PIBF1: variants seen among roughly 807,000 people sequenced by gnomAD.
PIBF1 encodes progesterone immunomodulatory binding factor 1.
A neutral mutation model predicts 112.5 loss-of-function variants in PIBF1; 90 were observed. That is an observed-to-expected ratio of 0.80 (90% CI 0.67 to 0.95). PIBF1 has a LOEUF of 0.95. Ranked by LOEUF, PIBF1 falls within the 40% of genes least tolerant of loss-of-function variation. The probability of loss-of-function intolerance (pLI) is 0.00; values close to 1 mark genes in which losing one functional copy is unlikely to be tolerated. For synonymous variants in PIBF1, 301 were observed against 288.6 expected, an observed-to-expected ratio of 1.04 and a Z score of -0.44; for missense variants, 915 against 852.3, an observed-to-expected ratio of 1.07 and a Z score of -0.92.
At chr13:72,785,683 A>G (rs566926015) in intron 2 of PIBF1, among the ~76,000 whole-genome samples, 2 of 152,260 alleles carry the variant, frequency 1.3e-5, no homozygotes, top group African/African-American at 4.8e-5. Context: ...TGCATTTCAC[A>G]TGAACTCCAT....
At chr13:72,952,020 T>C (rs1465676136) in intron 14 of PIBF1, among the ~76,000 whole-genome samples, 1 of 141,356 alleles carries the variant, frequency 7.1e-6, no homozygotes, top group Non-Finnish European at 1.5e-5. Context: ...AATTTCTTTC[T>C]TTCTTTTCTT....
intron 11 of PIBF1, among the ~76,000 whole-genome samples, chr13:72,898,850 G>GAA (rs796629828): frequency 7.1e-5 from 7 of 99,208 alleles, no homozygotes; most frequent in Non-Finnish European, 1.0e-4. Context: ...CTCCATCTCA[G>GAA]AAAAAAAAAA....
intron 10 of PIBF1, among the ~76,000 whole-genome samples, chr13:72,888,259 CATA>C (rs2039932554): frequency 6.6e-6 from 1 of 151,782 alleles, no homozygotes; most frequent in Admixed American, 6.6e-5. Flanking sequence ...GGTTTAATAA[CATA>C]AGAAGATTTT....
At position 72,880,713 on chromosome 13, in the gene PIBF1, C is replaced by T. The variant is rs1250087909; in HGVS notation, c.1323-13071C>T. Among the ~76,000 whole-genome samples, 6 of 152,262 alleles carry T rather than the reference C, an allele frequency of 3.9e-5. No homozygotes were observed. The South Asian group carries it at 1.2e-3, about 32-fold the overall frequency. On this transcript the variant is annotated intron_variant, in intron 10 of 17. Coordinates refer to ENST00000326291, the MANE Select transcript of PIBF1 (RefSeq NM_006346.4). Reference sequence around the variant, plus strand: ...CTATAAAAATAAATACTTAAAGTCACATTACATTGAAAAATACTTCAATCT... The same window carrying T: ...CTATAAAAATAAATACTTAAAGTCATATTACATTGAAAAATACTTCAATCT...
At chr13:72,968,364 G>C (rs533712329) in intron 15 of PIBF1, among the ~76,000 whole-genome samples, 1 of 150,912 alleles carries the variant, frequency 6.6e-6, no homozygotes, top group Non-Finnish European at 1.5e-5. Flanking sequence ...GCAATGGCGC[G>C]ATCTCGGCTC....
intron 9 of PIBF1, among the ~76,000 whole-genome samples, chr13:72,851,598 G>T (rs1365755479): frequency 3.9e-5 from 6 of 152,250 alleles, no homozygotes; most frequent in Admixed American, 3.9e-4. Context: ...CAGGAGGCAG[G>T]CTGGCTTCTG....
chr13:72,855,018 A>G (rs2038352371), intron 10 of PIBF1, among the ~76,000 whole-genome samples: 1 of 152,210 alleles, frequency 6.6e-6, no homozygotes, highest in Non-Finnish European at 1.5e-5. Context: ...TTGACTGCAT[A>G]GAGAGTAAAC....
At chr13:72,996,472 G>C (rs2043675827) in intron 16 of PIBF1, among the ~76,000 whole-genome samples, 1 of 152,080 alleles carries the variant, frequency 6.6e-6, no homozygotes, top group African/African-American at 2.4e-5. Flanking sequence ...TTTGCTAATA[G>C]CTTTATACTA....
At chr13:72,849,410 C>T (rs1847301639) in intron 9 of PIBF1, among the ~76,000 whole-genome samples, 1 of 152,158 alleles carries the variant, frequency 6.6e-6, no homozygotes, top group Admixed American at 6.5e-5. Context: ...TTTTGAAGAA[C>T]ATTTGAATTC....
At chr13:73,015,736 T>G in intron 17 of PIBF1, 133 bp from the exon 18 acceptor site, 1 of 378,234 alleles carries the variant, frequency 2.6e-6, no homozygotes, top group South Asian at 7.8e-5. Flanking sequence ...TTAAGTATCC[T>G]TTCTGAATTA....
intron 5 of PIBF1, among the ~76,000 whole-genome samples, chr13:72,802,938 A>C (rs2035553360): frequency 6.6e-6 from 1 of 152,222 alleles, no homozygotes. Context: ...CAGGAAATCA[A>C]AGGGCAAAAG....
chr13:72,893,709 GAAGT>G (rs141172083), intron 10 of PIBF1, 71 bp from the exon 11 acceptor site: 123,626 of 875,224 alleles, frequency 0.14, 9,764 homozygotes, highest in Middle Eastern at 0.17. Flanking sequence ...AGAAAACATA[GAAGT>G]AAGGTTTATG....
intron 8 of PIBF1, among the ~76,000 whole-genome samples, chr13:72,830,588 A>G (rs1034662561): frequency 6.6e-6 from 1 of 152,022 alleles, no homozygotes; most frequent in Non-Finnish European, 1.5e-5. Context: ...ATTGATTTGT[A>G]TGTGTTGAAC....
chr13:72,809,661 C>T (rs2035913348), intron 5 of PIBF1, among the ~76,000 whole-genome samples: 2 of 137,176 alleles, frequency 1.5e-5, no homozygotes, highest in Non-Finnish European at 3.0e-5. Context: ...ATGATTTTGG[C>T]TCACTGCAAC....
chr13:72,807,000 A>G (rs1388493901), intron 5 of PIBF1, among the ~76,000 whole-genome samples: 1 of 142,924 alleles, frequency 7.0e-6, no homozygotes, highest in South Asian at 2.2e-4. Flanking sequence ...TTTTTTTTCT[A>G]TTTTAAGGTT....
At chr13:72,903,345 A>G (rs2040572886) in intron 11 of PIBF1, among the ~76,000 whole-genome samples, 1 of 152,172 alleles carries the variant, frequency 6.6e-6, no homozygotes, top group Non-Finnish European at 1.5e-5. Context: ...AATTGAATTG[A>G]TAGTATGCAG....
intron 9 of PIBF1, among the ~76,000 whole-genome samples, chr13:72,846,620 T>C (rs9543140): frequency 0.99 from 151,303 of 152,318 alleles, 75,155 homozygotes; most frequent in Middle Eastern, 1. Flanking sequence ...CTCGCATAGT[T>C]ATGCTGGCCT....
intron 10 of PIBF1, among the ~76,000 whole-genome samples, chr13:72,874,851 G>A (rs1046467391): frequency 2.0e-5 from 3 of 152,100 alleles, no homozygotes; most frequent in Non-Finnish European, 2.9e-5. Flanking sequence ...CCCTACACAT[G>A]TATAGCCTAC....
chr13:72,943,822 C>T (rs577882082), intron 14 of PIBF1, among the ~76,000 whole-genome samples: 82 of 152,342 alleles, frequency 5.4e-4, no homozygotes, highest in African/African-American at 1.9e-3. Flanking sequence ...CAAGAACTTT[C>T]AAGTTAGGCA....
Sources: allele counts gnomAD v4.1 joint callset (sites outside exome capture counted in the v4.1 genomes callset), GRCh38; gene constraint gnomAD v4.1.1; transcripts MANE v1.5; gene names NCBI Gene and HGNC (gene_info 2026-07-23, HGNC 2026-07-21).